Variants in EMP2 observed in about 807,000 individuals in gnomAD.
The protein encoded by EMP2 is epithelial membrane protein 2.
In EMP2, 19 loss-of-function variants were observed where a neutral mutation model predicts 13.7. The observed-to-expected ratio is 1.38, with a 90% CI of 0.97 to 2.03. The LOEUF is 2.03. Among genes scored for constraint, EMP2 ranks in the 30% most tolerant of loss-of-function variants. EMP2 has a pLI of 0.00. For missense variants in EMP2, 253 were observed against 220.7 expected, an observed-to-expected ratio of 1.15 and a Z score of -0.93; for synonymous variants, 97 against 84.7, an observed-to-expected ratio of 1.15 and a Z score of -0.80.
At chr16:10,538,174 G>T in intron 3 of EMP2, 100 bp from the exon 4 acceptor site, 1 of 1,451,044 alleles carries the variant, frequency 6.9e-7, no homozygotes. Context: ...TGTGACAGGA[G>T]GCAAACAGGA....
At chr16:10,554,730 T>C (rs932978361) in intron 1 of EMP2, among the ~76,000 whole-genome samples, 6 of 152,168 alleles carry the variant, frequency 3.9e-5, no homozygotes, top group African/African-American at 1.4e-4. Flanking sequence ...CAGGCTTCAG[T>C]GCTCTGCTGC....
intron 1 of EMP2, among the ~76,000 whole-genome samples, chr16:10,557,496 G>A (rs1298966135): frequency 6.6e-6 from 1 of 152,112 alleles, no homozygotes; most frequent in African/African-American, 2.4e-5. Context: ...CTTTGAGACT[G>A]GTTTGGATTA....
rs913158894 is a variant in EMP2, at chr16:10,531,594, T to C, written c.*1311A>G. 6.6e-6 allele frequency: 1 copy of C among 151,816 alleles called. No individual in the cohort carries two copies. Among genetic ancestry groups the C allele is most frequent in the Non-Finnish European group, 1.5e-5 (1 of 67,838 alleles). 9.4% of individuals were successfully genotyped at this position (151,816 alleles called of 1,614,324 possible). On this transcript the variant is annotated 3_prime_UTR_variant, in exon 5 of 5. Transcript: ENST00000359543. The stretch of plus-strand genomic sequence containing the variant: ...ATCCACCCGCCTCAGCCTCCCAAAG[T>C]GCTGGGATTACAAGCATGAGCCACT...
At chr16:10,572,531 G>A (rs935938622) in intron 1 of EMP2, among the ~76,000 whole-genome samples, 4 of 152,090 alleles carry the variant, frequency 2.6e-5, no homozygotes, top group Admixed American at 6.5e-5. Context: ...TACAGGGGCC[G>A]AGTCCATCTT....
At chr16:10,557,036 G>A (rs1436024990) in intron 1 of EMP2, among the ~76,000 whole-genome samples, 1 of 152,048 alleles carries the variant, frequency 6.6e-6, no homozygotes, top group Non-Finnish European at 1.5e-5. Context: ...GGGATGACTG[G>A]GCTAATTAAG....
intron 1 of EMP2, among the ~76,000 whole-genome samples, chr16:10,549,729 T>TCTCACACA (rs1555459464): frequency 1.3e-5 from 2 of 149,558 alleles, no homozygotes; most frequent in African/African-American, 4.9e-5. Flanking sequence ...ACACACACAC[T>TCTCACACA]CACACACACA....
At chr16:10,562,336 T>TTCTCTCTCTCTCTCTCTCTCTC (rs540802206) in intron 1 of EMP2, among the ~76,000 whole-genome samples, 17 of 124,104 alleles carry the variant, frequency 1.4e-4, no homozygotes, top group East Asian at 2.5e-4. Flanking sequence ...CTCATGCATG[T>TTCTCTCTCTCTCTCTCTCTCTC]TCTCTCTCTC....
At chr16:10,560,840 T>A (rs1175569572) in intron 1 of EMP2, among the ~76,000 whole-genome samples, 1 of 152,108 alleles carries the variant, frequency 6.6e-6, no homozygotes, top group Non-Finnish European at 1.5e-5. Context: ...GAGAGCACGT[T>A]CCGGGCTGGG....
Position 10,530,639 on chromosome 16 carries a change from C to G in EMP2, c.*2266G>C, listed in dbSNP as rs1042826338. Reference sequence around the variant, plus strand: ...TGCTTTGATCCTGAAGGACAAGGCCCCAAAAGCCCTATTTCTCAGCACAGT... The same window carrying G: ...TGCTTTGATCCTGAAGGACAAGGCCGCAAAAGCCCTATTTCTCAGCACAGT... On this transcript the variant is annotated 3_prime_UTR_variant, in exon 5 of 5. Transcript: ENST00000359543. 1.3e-5 allele frequency: 2 copies of G among 152,532 alleles called. No homozygotes were observed. Among genetic ancestry groups the G allele is most frequent in the East Asian group, 3.9e-4 (2 of 5,178 alleles). 9.4% of individuals were successfully genotyped at this position (152,532 alleles called of 1,614,324 possible).
rs1420098809 is a variant in EMP2, at chr16:10,559,487, T to G, written c.-60-11810A>C. Among the ~76,000 whole-genome samples, 5 of 152,220 alleles carry G rather than the reference T, an allele frequency of 3.3e-5. No individual in the cohort carries two copies. The East Asian group carries it at 9.6e-4, about 29-fold the overall frequency. ...GGCAGTGCCCCAGGGCAGAAGCCAC[T>G]GAGGATCATTCTGTCTGTGCAGCCC... On this transcript the variant is annotated intron_variant, in intron 1 of 4. Transcript: ENST00000359543.
chr16:10,561,063 T>C (rs2050867885), intron 1 of EMP2, among the ~76,000 whole-genome samples: 1 of 152,034 alleles, frequency 6.6e-6, no homozygotes, highest in African/African-American at 2.4e-5. Flanking sequence ...AGCAGCCCTG[T>C]TGAGAAATGA....
intron 1 of EMP2, among the ~76,000 whole-genome samples, chr16:10,579,922 T>C (rs1300321208): frequency 6.6e-6 from 1 of 152,188 alleles, no homozygotes; most frequent in Admixed American, 6.5e-5. Flanking sequence ...CACTACGAGC[T>C]GCAGCCTCTC....
chr16:10,560,455 A>G (rs920999039), intron 1 of EMP2, among the ~76,000 whole-genome samples: 2 of 152,256 alleles, frequency 1.3e-5, no homozygotes, highest in South Asian at 4.1e-4. Context: ...ACATCATCCA[A>G]TTTGCAGGTG....
chr16:10,573,930 C>CG, intron 1 of EMP2, among the ~76,000 whole-genome samples: 2 of 83,172 alleles, frequency 2.4e-5, no homozygotes, highest in South Asian at 1.0e-3. Context: ...ATGGATAAAC[C>CG]TTTTTTTTTT....
At chr16:10,543,768 A>C in intron 2 of EMP2, 108 bp from the exon 3 acceptor site, 1 of 1,027,834 alleles carries the variant, frequency 9.7e-7, no homozygotes, top group Non-Finnish European at 1.5e-6. Context: ...TCAAACTGCA[A>C]CACATGTGAG....
chr16:10,566,481 C>G (rs999545645), intron 1 of EMP2, among the ~76,000 whole-genome samples: 1 of 152,182 alleles, frequency 6.6e-6, no homozygotes, highest in Non-Finnish European at 1.5e-5. Context: ...AGACTCCCCC[C>G]TTGATGAAAT....
chr16:10,575,099 A>G (rs1417240614), intron 1 of EMP2, among the ~76,000 whole-genome samples: 2 of 152,016 alleles, frequency 1.3e-5, no homozygotes, highest in Non-Finnish European at 2.9e-5. Flanking sequence ...ACTTTCTGAA[A>G]CCATCACTGC....
chr16:10,537,195 C>G (rs917753144), intron 4 of EMP2, among the ~76,000 whole-genome samples: 1 of 152,190 alleles, frequency 6.6e-6, no homozygotes, highest in Non-Finnish European at 1.5e-5. Context: ...AGCTTTAAAT[C>G]GTCACTGAGA....
At chr16:10,535,547 C>G (rs2050640411) in intron 4 of EMP2, among the ~76,000 whole-genome samples, 1 of 152,050 alleles carries the variant, frequency 6.6e-6, no homozygotes, top group Non-Finnish European at 1.5e-5. Context: ...AGTGAAACCC[C>G]ATCTCTACAA....
Sources: gnomAD v4.1 joint callset for allele counts (sites outside exome capture counted in the v4.1 genomes callset) on GRCh38, gnomAD v4.1.1 for gene constraint, MANE v1.5 for transcripts, NCBI Gene and HGNC (gene_info 2026-07-23, HGNC 2026-07-21) for gene names.